The following TAFA1 variants were observed in gnomAD, a reference collection of about 807,000 sequenced individuals.
TAFA1 encodes TAFA chemokine like family member 1.
In TAFA1, 4 loss-of-function variants were observed where a neutral mutation model predicts 18.5. That is an observed-to-expected ratio of 0.22 (90% CI 0.11 to 0.49). The LOEUF (loss-of-function observed/expected upper bound fraction) is 0.49, where lower values mean the gene tolerates loss of function less well. TAFA1 is among the 20% of genes least tolerant of loss of function. The probability of loss-of-function intolerance (pLI) is 0.98; values close to 1 mark genes in which losing one functional copy is unlikely to be tolerated. For synonymous variants in TAFA1, 56 were observed against 55.2 expected (o/e 1.01, Z -0.06); for missense variants, 147 against 169.0 (o/e 0.87, Z 0.72).
At chr3:68,208,433 G>A (rs2066553139) in intron 2 of TAFA1, among the ~76,000 whole-genome samples, 1 of 151,866 alleles carries the variant, frequency 6.6e-6, no homozygotes, top group African/African-American at 2.4e-5. Context: ...TGTATGTAGG[G>A]TCCCACCAGA....
At chr3:68,001,511 A>T (rs548368647), upstream of TAFA1, among the ~76,000 whole-genome samples, 1 of 151,840 alleles carries the variant, frequency 6.6e-6, no homozygotes, top group Middle Eastern at 3.4e-3. Flanking sequence ...AACTGTGTGC[A>T]TTCCTTGTTG....
At chr3:68,290,670 A>G (rs987868983) in intron 2 of TAFA1, among the ~76,000 whole-genome samples, 2 of 152,148 alleles carry the variant, frequency 1.3e-5, no homozygotes, top group African/African-American at 4.8e-5. Flanking sequence ...CTTTAATACT[A>G]TAGCAATTCT....
At chr3:68,424,091 C>T (rs756126656) in intron 3 of TAFA1, among the ~76,000 whole-genome samples, 1 of 151,934 alleles carries the variant, frequency 6.6e-6, no homozygotes, top group Admixed American at 6.6e-5. Flanking sequence ...ATAAAAAAAC[C>T]CTTTAGTTAA....
intron 2 of TAFA1, among the ~76,000 whole-genome samples, chr3:68,019,924 G>C (rs1704653011): frequency 6.6e-6 from 1 of 152,144 alleles, no homozygotes; most frequent in African/African-American, 2.4e-5. Context: ...TTTGAACCCA[G>C]ATTCAACCTC....
intron 2 of TAFA1, among the ~76,000 whole-genome samples, chr3:68,315,763 T>C (rs1270924396): frequency 6.6e-6 from 1 of 152,192 alleles, no homozygotes; most frequent in Non-Finnish European, 1.5e-5. Context: ...AGTTTTGAAA[T>C]TTAATTTTTG....
intron 2 of TAFA1, among the ~76,000 whole-genome samples, chr3:68,257,466 GC>G (rs1255367950): frequency 6.7e-6 from 1 of 149,936 alleles, no homozygotes; most frequent in Non-Finnish European, 1.5e-5. Context: ...GCTGTACTCT[GC>G]CTCAGACAAG....
intron 2 of TAFA1, among the ~76,000 whole-genome samples, chr3:68,204,478 G>A (rs935504163): frequency 3.3e-5 from 5 of 151,396 alleles, no homozygotes; most frequent in African/African-American, 1.2e-4. Flanking sequence ...CTTTGATGAT[G>A]TGCTCAGCTG....
chr3:68,355,825 C>A lies in TAFA1; in HGVS notation c.119-61455C>A, dbSNP rs531620489. ...AAGTGACTGCTTGTAAGGTGATGAG[C>A]AACCTGTCACTTATGGTGTTCAGGC... is the stretch of plus-strand genomic sequence containing the variant. On this transcript the variant is annotated intron_variant, in intron 2 of 4. Coordinates refer to ENST00000478136, the MANE Select transcript of TAFA1 (RefSeq NM_213609.4). 2.6e-5 allele frequency among the ~76,000 whole-genome samples: 4 copies of A among 152,058 alleles called. No homozygotes were observed. The South Asian group carries it at 8.3e-4, about 32-fold the overall frequency.
chr3:68,514,729 AAC>A (rs1553699289), intron 3 of TAFA1, among the ~76,000 whole-genome samples: 59 of 151,788 alleles, frequency 3.9e-4, no homozygotes, highest in African/African-American at 1.3e-3. Context: ...GAAAAAAAAA[AAC>A]GTTTTTTCCC....
At chr3:68,038,232 A>AT (rs1705093144) in intron 2 of TAFA1, among the ~76,000 whole-genome samples, 1 of 152,118 alleles carries the variant, frequency 6.6e-6, no homozygotes, top group Non-Finnish European at 1.5e-5. Context: ...CTTCCTTATG[A>AT]TTTTTTAGTG....
intron 2 of TAFA1, among the ~76,000 whole-genome samples, chr3:68,066,268 C>CT (rs1212410648): frequency 6.6e-5 from 10 of 151,958 alleles, no homozygotes; most frequent in African/African-American, 1.9e-4. Context: ...TTTGTTTACT[C>CT]TTTTTTTTGC....
At chr3:68,295,493 G>A (rs1394328758) in intron 2 of TAFA1, among the ~76,000 whole-genome samples, 1 of 152,102 alleles carries the variant, frequency 6.6e-6, no homozygotes, top group East Asian at 1.9e-4. Context: ...GTCTGTGTGT[G>A]TGTGCATTTG....
intron 2 of TAFA1, among the ~76,000 whole-genome samples, chr3:68,019,767 A>G (rs1704647467): frequency 6.6e-6 from 1 of 152,004 alleles, no homozygotes; most frequent in African/African-American, 2.4e-5. Flanking sequence ...TCAAAAACAA[A>G]CAACAACAAC....
At chr3:68,481,470 A>G (rs2106656942) in intron 3 of TAFA1, among the ~76,000 whole-genome samples, 1 of 152,332 alleles carries the variant, frequency 6.6e-6, no homozygotes, top group East Asian at 1.9e-4. Flanking sequence ...GTGTTAGAAG[A>G]ATTGGATGAC....
chr3:68,386,819 A>T (rs1345510674), intron 2 of TAFA1, among the ~76,000 whole-genome samples: 1 of 152,106 alleles, frequency 6.6e-6, no homozygotes, highest in Non-Finnish European at 1.5e-5. Flanking sequence ...GTTTGAGACA[A>T]TACCATTTCC....
chr3:68,390,353 A>G (rs1045718541), intron 2 of TAFA1, among the ~76,000 whole-genome samples: 30 of 152,204 alleles, frequency 2.0e-4, no homozygotes, highest in African/African-American at 7.0e-4. Flanking sequence ...GAGAAACCCC[A>G]GTCAGGGACT....
At chr3:68,287,076 C>T (rs1451522170) in intron 2 of TAFA1, among the ~76,000 whole-genome samples, 2 of 152,184 alleles carry the variant, frequency 1.3e-5, no homozygotes, top group Non-Finnish European at 2.9e-5. Flanking sequence ...AAGTGATCAG[C>T]TTTCATATTT....
chr3:68,533,430 C>T (rs1018853294), intron 3 of TAFA1, among the ~76,000 whole-genome samples: 1 of 152,160 alleles, frequency 6.6e-6, no homozygotes, highest in Non-Finnish European at 1.5e-5. Context: ...GGGTCCCTCC[C>T]ATATCACATG....
chr3:68,223,624 G>A (rs1575689651), intron 2 of TAFA1, among the ~76,000 whole-genome samples: 1 of 151,876 alleles, frequency 6.6e-6, no homozygotes, highest in African/African-American at 2.4e-5. Context: ...ATGCAACTGT[G>A]GGAAACCCTC....
Sources: gnomAD v4.1 joint callset for allele counts (sites outside exome capture counted in the v4.1 genomes callset) on GRCh38, gnomAD v4.1.1 for gene constraint, MANE v1.5 for transcripts, NCBI Gene and HGNC (gene_info 2026-07-23, HGNC 2026-07-21) for gene names.